FAM184A: variants seen among roughly 807,000 people sequenced by gnomAD.
The protein encoded by FAM184A is protein FAM184A.
In FAM184A, 99 loss-of-function variants were observed where a neutral mutation model predicts 143.8. The ratio of observed to expected loss-of-function variants is 0.69; its 90% CI spans 0.58 to 0.81. The LOEUF (loss-of-function observed/expected upper bound fraction) is 0.81. Ranked by LOEUF, FAM184A falls within the 40% of genes least tolerant of loss-of-function variation. The pLI is 0.00. For missense variants in FAM184A, 1,217 were observed against 1,310.5 expected (o/e 0.93, Z 1.10); for synonymous variants, 427 against 446.4 (o/e 0.96, Z 0.55).
At chr6:119,134,353 C>T (rs898327224) in intron 1 of FAM184A, among the ~76,000 whole-genome samples, 4 of 151,914 alleles carry the variant, frequency 2.6e-5, no homozygotes, top group African/African-American at 7.3e-5. Context: ...ATCTTTTTCT[C>T]CTAAAGATAT....
intron 1 of FAM184A, among the ~76,000 whole-genome samples, chr6:119,037,756 C>T (rs1215236240): frequency 6.6e-6 from 1 of 152,172 alleles, no homozygotes; most frequent in African/African-American, 2.4e-5. Flanking sequence ...ACAGAAGACA[C>T]TGATAAGTTT....
At chr6:119,095,295 G>A (rs1049082304) in intron 1 of FAM184A, among the ~76,000 whole-genome samples, 2 of 152,210 alleles carry the variant, frequency 1.3e-5, no homozygotes, top group African/African-American at 4.8e-5. Context: ...ATCCATGTGT[G>A]TTTTATAAAA....
Position 119,003,489 on chromosome 6 carries a change from T to TA in FAM184A, c.1937+11dup, listed in dbSNP as rs749036409. On this transcript the variant is annotated intron_variant, in intron 8 of 17. Coordinates refer to ENST00000338891, the MANE Select transcript of FAM184A (RefSeq NM_024581.6). ...TGTCTTTATTGATAAGATTACAGAATAAAAAATGTACCTAAGATTTTCAGT... is the reference window on the plus strand; with the variant it reads ...TGTCTTTATTGATAAGATTACAGAATAAAAAAATGTACCTAAGATTTTCAGT... 6.2e-7 allele frequency: 1 copy of TA among 1,609,684 alleles called. No individual in the cohort carries two copies. Among genetic ancestry groups the TA allele is most frequent in the South Asian group, 1.1e-5 (1 of 89,926 alleles).
chr6:119,024,546 C>A lies in FAM184A; in HGVS notation c.427G>T (p.Ala143Ser), dbSNP rs774269782. The A allele has an allele frequency of 6.2e-7, 1 of 1,614,112 alleles. No homozygotes were observed. Among genetic ancestry groups the A allele is most frequent in the Non-Finnish European group, 8.5e-7 (1 of 1,180,010 alleles). ...KHRVEDMQLCAEAQHVQRIVT... is the reference protein window; with the variant it reads ...KHRVEDMQLCSEAQHVQRIVT... ...ATGCGTTGGACATGCTGGGCTTCTG[C>A]ACAAAGTTGCATGTCCTCAACTCTG... Residue 143 changes from alanine to serine, a missense_variant, in exon 2 of 18, where the codon GCA becomes TCA. Physicochemically the swap from Ala to Ser is moderately conservative, Grantham distance 99. Transcript: ENST00000338891.
intron 14 of FAM184A, among the ~76,000 whole-genome samples, chr6:118,967,921 A>G (rs185223695): frequency 1.2e-3 from 187 of 152,350 alleles, no homozygotes; most frequent in Non-Finnish European, 2.5e-3. Context: ...TCAGTTATAC[A>G]TTCCTATTCC....
intron 1 of FAM184A, among the ~76,000 whole-genome samples, chr6:119,092,781 C>G (rs1788407208): frequency 6.6e-6 from 1 of 152,162 alleles, no homozygotes; most frequent in Non-Finnish European, 1.5e-5. Flanking sequence ...ATAACTCACT[C>G]TGGTCTAAAA....
At chr6:119,132,283 A>G (rs1789554213) in intron 1 of FAM184A, among the ~76,000 whole-genome samples, 1 of 152,214 alleles carries the variant, frequency 6.6e-6, no homozygotes, top group Admixed American at 6.5e-5. Context: ...TTAGTCTCTT[A>G]CCTGCCCCTT....
intron 1 of FAM184A, among the ~76,000 whole-genome samples, chr6:119,087,993 A>C (rs1021521892): frequency 2.0e-5 from 3 of 152,238 alleles, no homozygotes; most frequent in Non-Finnish European, 4.4e-5. Context: ...ACAAAAGGAC[A>C]AATACCATAT....
intron 1 of FAM184A, among the ~76,000 whole-genome samples, chr6:119,027,454 TG>T (rs1324126677): frequency 6.6e-6 from 1 of 152,184 alleles, no homozygotes; most frequent in Non-Finnish European, 1.5e-5. Flanking sequence ...CTAAGACTTT[TG>T]TAATTTCCTG....
intron 1 of FAM184A, among the ~76,000 whole-genome samples, chr6:119,143,579 A>G (rs1772317599): frequency 6.6e-6 from 1 of 152,228 alleles, no homozygotes; most frequent in South Asian, 2.1e-4. Context: ...CAGCAGATGA[A>G]TGGATAAACA....
chr6:119,069,686 T>C lies in FAM184A; in HGVS notation c.159+8455A>G, dbSNP rs568489183. On this transcript the variant is annotated intron_variant, in intron 1 of 17. Transcript: ENST00000338891. ...TTGGTCCAATTTCCTATATATGCAC[T>C]GATGATCCTAACAATGATCTGGAGT... 2.0e-5 allele frequency among the ~76,000 whole-genome samples: 3 copies of C among 152,288 alleles called. No individual in the cohort carries two copies. In the South Asian group the frequency reaches 6.2e-4, roughly 32 times the overall value.
At chr6:118,999,473 A>G (rs775698266) in intron 9 of FAM184A, among the ~76,000 whole-genome samples, 1 of 152,138 alleles carries the variant, frequency 6.6e-6, no homozygotes, top group African/African-American at 2.4e-5. Flanking sequence ...TTTTCTTATT[A>G]CTGTATTCCT....
chr6:118,960,699 A>G, intron 17 of FAM184A: 1 of 707,884 alleles, frequency 1.4e-6, no homozygotes, highest in Non-Finnish European at 2.2e-6. Context: ...TTGATGTTAT[A>G]TAGTTTATAC....
chr6:119,057,096 A>G (rs538464152), intron 1 of FAM184A, among the ~76,000 whole-genome samples: 1 of 152,384 alleles, frequency 6.6e-6, no homozygotes, highest in South Asian at 2.1e-4. Flanking sequence ...AAAGGCATAA[A>G]TGAGTTAATT....
At chr6:119,042,259 G>T (rs1786367507) in intron 1 of FAM184A, among the ~76,000 whole-genome samples, 1 of 152,172 alleles carries the variant, frequency 6.6e-6, no homozygotes, top group Non-Finnish European at 1.5e-5. Context: ...AAGGGGGAAT[G>T]CCTTCTTTTT....
upstream of FAM184A, among the ~76,000 whole-genome samples, chr6:119,082,708 C>A (rs919433969): frequency 1.3e-5 from 2 of 152,272 alleles, no homozygotes; most frequent in Non-Finnish European, 2.9e-5. Flanking sequence ...TTGGGCAGCT[C>A]TGCTTCTGTG....
chr6:119,142,914 C>T (rs965441324), intron 1 of FAM184A, among the ~76,000 whole-genome samples: 4 of 152,088 alleles, frequency 2.6e-5, no homozygotes, highest in South Asian at 2.1e-4. Context: ...AGAAAAAGCA[C>T]GCCAAGTGAG....
At chr6:119,076,481 C>T (rs930813036) in intron 1 of FAM184A, among the ~76,000 whole-genome samples, 2 of 152,138 alleles carry the variant, frequency 1.3e-5, no homozygotes, top group Admixed American at 6.5e-5. Context: ...AATACACCTA[C>T]GTTTACCAGT....
intron 9 of FAM184A, among the ~76,000 whole-genome samples, chr6:118,991,245 C>A (rs1289909672): frequency 6.6e-6 from 1 of 151,744 alleles, no homozygotes. Context: ...GCACTGCAAC[C>A]TCTGCCCCTT....
Sources: gnomAD v4.1 joint callset for allele counts (sites outside exome capture counted in the v4.1 genomes callset) on GRCh38, gnomAD v4.1.1 for gene constraint, MANE v1.5 for transcripts, NCBI Gene and HGNC (gene_info 2026-07-23, HGNC 2026-07-21) for gene names.